GAMT: variants seen among roughly 807,000 people sequenced by gnomAD.
The protein encoded by GAMT is guanidinoacetate N-methyltransferase.
GAMT carries 26 observed loss-of-function variants against 26.9 expected under a neutral mutation model. That is an observed-to-expected ratio of 0.97 (90% CI 0.71 to 1.34). The LOEUF is 1.34. Among genes scored for constraint, GAMT ranks in the 40% most tolerant of loss-of-function variants. The pLI, the probability that GAMT is intolerant of heterozygous loss-of-function variation, is 0.00. For missense variants in GAMT, 412 were observed against 345.0 expected, an observed-to-expected ratio of 1.19 and a Z score of -1.54; for synonymous variants, 169 against 149.6, an observed-to-expected ratio of 1.13 and a Z score of -0.95.
At position 1,401,524 on chromosome 19, in the gene GAMT, C is replaced by G. The variant is rs996015018; in HGVS notation, c.-48G>C. 6.3e-6 allele frequency: 8 copies of G among 1,259,960 alleles called. No individual in the cohort carries two copies. In the South Asian group the frequency reaches 1.9e-4, roughly 31 times the overall value. 78.0% of individuals were successfully genotyped at this position (1,259,960 alleles called of 1,614,324 possible). ...GACCTCGATCGCGCGCCGCCCGGGC[C>G]CGCTCCCTGCAGGGGCTTGTGGGCC... is the stretch of plus-strand genomic sequence containing the variant. On this transcript the variant is annotated 5_prime_UTR_variant, in exon 1 of 6. Transcript: ENST00000252288.
intron 5 of GAMT, chr19:1,397,715 C>T (rs942158661): frequency 2.7e-5 from 38 of 1,408,172 alleles, no homozygotes; most frequent in Non-Finnish European, 3.4e-5. Flanking sequence ...GTCCTGGAAC[C>T]CCAGCCCCAC....
intron 5 of GAMT, 95 bp from the exon 6 acceptor site, chr19:1,397,594 A>AGCTT: frequency 6.4e-7 from 1 of 1,557,166 alleles, no homozygotes; most frequent in Non-Finnish European, 8.7e-7. Context: ...ACAGATGGCA[A>AGCTT]GGCCCGGGTG....
intron 5 of GAMT, chr19:1,398,101 T>G: frequency 2.0e-6 from 2 of 994,228 alleles, no homozygotes; most frequent in Non-Finnish European, 2.4e-6. Flanking sequence ...CCATTTTTTT[T>G]GTTTTTGTTT....
chr19:1,397,982 A>C (rs1210161391), intron 5 of GAMT: 13 of 1,033,890 alleles, frequency 1.3e-5, no homozygotes, highest in Non-Finnish European at 1.5e-5. Flanking sequence ...ACCAGCAAAG[A>C]CAGCCAGGTG....
intron 5 of GAMT, chr19:1,397,725 C>T: frequency 1.4e-6 from 2 of 1,412,360 alleles, no homozygotes; most frequent in Non-Finnish European, 1.9e-6. Flanking sequence ...CCCAGCCCCA[C>T]ACTCGAGCCA....
chr19:1,397,875 C>A, intron 5 of GAMT: 1 of 1,126,552 alleles, frequency 8.9e-7, no homozygotes, highest in South Asian at 2.2e-5. Flanking sequence ...GGCACCCAGC[C>A]GGCTCTCACA....
rs148573404 is a variant in GAMT at position 1,398,366 on chromosome 19, G to A, written c.570+550C>T. On this transcript the variant is annotated intron_variant, in intron 5 of 5. Coordinates refer to ENST00000252288, the MANE Select transcript of GAMT (RefSeq NM_000156.6). ...ACCCGCCTTGGCCTTCCGAAGTGCC[G>A]GGATCACAGGTGTGAGCCACCACGC... The A allele has an allele frequency of 5.5e-3, 1,310 of 237,326 alleles. 19 individuals are homozygous for A. Among genetic ancestry groups the A allele is most frequent in the African/African-American group, 0.028 (1,243 of 44,022 alleles). The allele number at this position is 237,326 out of a possible 1,614,324, so 14.7% of individuals were successfully genotyped here. A position where few individuals can be genotyped will look rare whatever the true frequency, so the allele number is the denominator to read the frequency against.
chr19:1,398,814 G>A, intron 5 of GAMT, 102 bp downstream of exon 5: 1 of 1,564,848 alleles, frequency 6.4e-7, no homozygotes, highest in Non-Finnish European at 8.7e-7. Context: ...AGGGGGTCAG[G>A]AAGGGACCCT....
rs1335691327 is a variant in GAMT at position 1,400,262 on chromosome 19, AG to A, written c.182-325del. On this transcript the variant is annotated intron_variant, in intron 1 of 5. Transcript: ENST00000252288. Reference sequence around the variant, plus strand: ...GAGCAGGGCTGGGGAGGCTTCCTGGAGGAGGGGGCACAGGGTAGGGCAGGGC... The same window carrying A: ...GAGCAGGGCTGGGGAGGCTTCCTGGAGAGGGGGCACAGGGTAGGGCAGGGC... 6.9e-5 allele frequency among the ~76,000 whole-genome samples: 3 copies of A among 43,342 alleles called. No homozygotes were observed. The Admixed American group carries it at 8.5e-4, about 12-fold the overall frequency. The allele number at this position is 43,342 out of a possible 152,430, so 28.4% of individuals were successfully genotyped here.
intron 5 of GAMT, 146 bp downstream of exon 5, chr19:1,398,770 A>T (rs928816046): frequency 6.5e-7 from 1 of 1,550,312 alleles, no homozygotes; most frequent in South Asian, 1.2e-5. Flanking sequence ...AAGGACTTTG[A>T]TTTCTAAATG....
Position 1,397,234 on chromosome 19 carries a change from A to C in GAMT, c.*125T>G. On this transcript the variant is annotated 3_prime_UTR_variant, in exon 6 of 6. Coordinates refer to ENST00000252288, the MANE Select transcript of GAMT (RefSeq NM_000156.6). ...GCCCTGGGCTGGTGGGACCCCTCAC[A>C]GAGAAGCCGGGAAAGCTTCTGGTGA... 1 of 1,208,396 alleles carries C rather than the reference A, an allele frequency of 8.3e-7. No homozygotes were observed. The highest frequency in any genetic ancestry group is 1.2e-6 in the Non-Finnish European group (1 of 864,034). 74.9% of individuals were successfully genotyped at this position (1,208,396 alleles called of 1,614,324 possible).
rs1268289354 is a variant in GAMT, at chr19:1,397,131, C to T, written c.*228G>A. ...AGCCCAGCGCCGGCGTTTACTTCAC[C>T]TCAGGGACCCTGCAGTGGGCAGCAG... On this transcript the variant is annotated 3_prime_UTR_variant, in exon 6 of 6. Transcript: ENST00000252288. The T allele has an allele frequency of 1.7e-6, 1 of 589,662 alleles. No homozygotes were observed. The highest frequency in any genetic ancestry group is 3.0e-6 in the Non-Finnish European group (1 of 336,072). 36.5% of individuals were successfully genotyped at this position (589,662 alleles called of 1,614,324 possible). A position where few individuals can be genotyped will look rare whatever the true frequency, so the allele number is the denominator to read the frequency against.
chr19:1,397,489 A>G lies in GAMT; in HGVS notation c.581T>C (p.Val194Ala), dbSNP rs147739199. Residue 194 changes from valine (V) to alanine (A), a missense_variant, in exon 6 of 6, where the codon GTG becomes GCG. Transcript: ENST00000252288. ...GAAGCCGGCCTCCAGCAGCGCGGGC[A>G]CCTGCGTCTCCTGGTCGGGGATGGC... ...DITIMFEETQ[V>A]PALLEAGFRR... is the part of the protein sequence containing the mutation. The G allele has an allele frequency of 9.4e-4, 1,502 of 1,604,838 alleles. 4 individuals are homozygous for G. Among genetic ancestry groups the G allele is most frequent in the Admixed American group, 3.1e-3 (189 of 60,020 alleles).
At position 1,399,173 on chromosome 19, in the gene GAMT, T is replaced by C. The variant is rs1376380710; in HGVS notation, c.414A>G (p.Pro138=). ...GTGTGTGCCAGGTCTCCTCCGAGAG[T>C]GGGTACGTGTCGTACAGGATCCCTG... is the stretch of plus-strand genomic sequence containing the variant. The part of the protein sequence containing the change: ...HFDGILYDTY[P]LSEETWHTHQ... Residue 138 remains proline (P), a synonymous_variant, in exon 4 of 6, where the codon CCA becomes CCG. Transcript: ENST00000252288. This position sits in a 1 kb window ranked among gnomAD's most constrained non-coding sequence, Gnocchi z 6.2. 1.9e-6 allele frequency: 3 copies of C among 1,612,520 alleles called. No individual in the cohort carries two copies. Among genetic ancestry groups the C allele is most frequent in the Admixed American group, 1.7e-5 (1 of 59,924 alleles).
In GAMT at chr19:1,400,270, G is replaced by A. The variant is rs115032336; in HGVS notation, c.182-332C>T. On this transcript the variant is annotated intron_variant, in intron 1 of 5. Transcript: ENST00000252288. ...CTGGGGAGGCTTCCTGGAGGAGGGG[G>A]CACAGGGTAGGGCAGGGCTGAGCTG... 4.3e-3 allele frequency among the ~76,000 whole-genome samples: 653 copies of A among 150,204 alleles called. 5 individuals carry two copies. The highest frequency in any genetic ancestry group is 0.015 in the African/African-American group (624 of 40,758).
rs773832312 is a variant in GAMT at position 1,401,304 on chromosome 19, G to A, written c.173C>T (p.Ser58Phe). The change falls in exon 1 of 6, where the codon TCC (serine) becomes TTC (phenylalanine). Residue 58 changes from serine (S) to phenylalanine (F), a missense_variant. Coordinates refer to ENST00000252288, the MANE Select transcript of GAMT (RefSeq NM_000156.6). ...PYMHALAAAASSKGGRVLEVG... is the reference protein window; with the variant it reads ...PYMHALAAAAFSKGGRVLEVG... ...GGCCGGGCGGGGGCTACCTTTGGAGGAGGCGGCGGCGGCCAGCGCGTGCAT... is the reference window on the plus strand; with the variant it reads ...GGCCGGGCGGGGGCTACCTTTGGAGAAGGCGGCGGCGGCCAGCGCGTGCAT... 2.0e-6 allele frequency: 3 copies of A among 1,509,774 alleles called. No individual in the cohort carries two copies. Among genetic ancestry groups the A allele is most frequent in the South Asian group, 1.2e-5 (1 of 80,586 alleles). The allele number at this position is 1,509,774 out of a possible 1,614,324, so 93.5% of individuals were successfully genotyped here.
chr19:1,399,459 A>C lies in GAMT; in HGVS notation c.391+65T>G. On this transcript the variant is annotated intron_variant, in intron 3 of 5. Coordinates refer to ENST00000252288, the MANE Select transcript of GAMT (RefSeq NM_000156.6). This position sits in a 1 kb window ranked among gnomAD's most constrained non-coding sequence, Gnocchi z 6.2. ...AGTGCACATCAGAGGGACCCCCACA[A>C]GCAAAGGAGGGGCTGCATTGGAGCT... is the stretch of plus-strand genomic sequence containing the variant. 1 of 1,452,866 alleles carries C rather than the reference A, an allele frequency of 6.9e-7. No individual in the cohort carries two copies. Among genetic ancestry groups the C allele is most frequent in the Non-Finnish European group, 9.5e-7 (1 of 1,051,998 alleles). 90.0% of individuals were successfully genotyped at this position (1,452,866 alleles called of 1,614,324 possible).
chr19:1,399,950 C>T lies in GAMT; in HGVS notation c.182-12G>A. The T allele has an allele frequency of 1.2e-6, 2 of 1,601,776 alleles. No individual in the cohort carries two copies. The highest frequency in any genetic ancestry group is 1.7e-6 in the Non-Finnish European group (2 of 1,175,880). Reference sequence around the variant, plus strand: ...CAGGACCCGGCCCCCTGGGCAGACACAGGGCGCCTGGCATCACTAGGTGGG... The same window carrying T: ...CAGGACCCGGCCCCCTGGGCAGACATAGGGCGCCTGGCATCACTAGGTGGG... On this transcript the variant is annotated splice_polypyrimidine_tract_variant and intron_variant, in intron 1 of 5. Coordinates refer to ENST00000252288, the MANE Select transcript of GAMT (RefSeq NM_000156.6). This position sits in a 1 kb window ranked among gnomAD's most constrained non-coding sequence, Gnocchi z 6.2.
At position 1,399,856 on chromosome 19, in the gene GAMT, G is replaced by T. The variant is rs1159213306; in HGVS notation, c.264C>A (p.Ile88=). The change falls in exon 2 of 6, where the codon ATC becomes ATA. Residue 88 remains isoleucine, a synonymous_variant. Transcript: ENST00000252288. This position sits in a 1 kb window ranked among gnomAD's most constrained non-coding sequence, Gnocchi z 6.2. ...GGAAGACGCCGTCATTGCACTCGAT[G>T]ATCCAATGCTCATCAATGGGCGCCT... ...VQEAPIDEHW[I]IECNDGVFQR... is the part of the protein sequence containing the mutation. 2 of 1,601,376 alleles carry T rather than the reference G, an allele frequency of 1.2e-6. No individual in the cohort carries two copies. The highest frequency in any genetic ancestry group is 1.7e-6 in the Non-Finnish European group (2 of 1,174,856).
Sources: gnomAD v4.1 joint callset for allele counts (sites outside exome capture counted in the v4.1 genomes callset) on GRCh38, gnomAD v4.1.1 for gene constraint, Gnocchi (gnomAD v3.1) non-coding constraint, MANE v1.5 for transcripts, NCBI Gene and HGNC (gene_info 2026-07-23, HGNC 2026-07-21) for gene names.